Variants in AFG2A observed in about 807,000 individuals in gnomAD.
AFG2A encodes the protein ATPase family gene 2 protein homolog A.
the AFG2A span, among the ~76,000 whole-genome samples, chr4:122,944,424 G>A: frequency 6.6e-5 from 10 of 152,102 alleles, no homozygotes; most frequent in East Asian, 1.9e-4. Context: ...CCAGTTGATC[G>A]CATCGGCTCC....
At chr4:123,150,169 T>C in the AFG2A span, among the ~76,000 whole-genome samples, 1 of 152,126 alleles carries the variant, frequency 6.6e-6, no homozygotes, top group Admixed American at 6.5e-5. Context: ...GCCAGTATCA[T>C]ACTGAATAGG....
At chr4:123,027,121 GT>G in the AFG2A span, among the ~76,000 whole-genome samples, 3 of 150,202 alleles carry the variant, frequency 2.0e-5, no homozygotes, top group South Asian at 2.1e-4. Flanking sequence ...CTCAAGGTGT[GT>G]TTTTTTTTCT....
At chr4:122,951,464 G>A in the AFG2A span, among the ~76,000 whole-genome samples, 25 of 111,918 alleles carry the variant, frequency 2.2e-4, no homozygotes, top group East Asian at 4.3e-3. Context: ...ACACACGCAC[G>A]CACACACATG....
chr4:122,986,810 G>C, the AFG2A span, among the ~76,000 whole-genome samples: 1 of 152,148 alleles, frequency 6.6e-6, no homozygotes, highest in Admixed American at 6.6e-5. Flanking sequence ...ATTGGTTGTA[G>C]TGTTCTGTAT....
chr4:123,149,710 A>G, the AFG2A span, among the ~76,000 whole-genome samples: 8 of 151,994 alleles, frequency 5.3e-5, no homozygotes, highest in Non-Finnish European at 8.8e-5. Context: ...GTTCATTTCA[A>G]TGGTGTTGAA....
chr4:122,936,753 G>A, the AFG2A span, among the ~76,000 whole-genome samples: 1 of 152,188 alleles, frequency 6.6e-6, no homozygotes, highest in African/African-American at 2.4e-5. Flanking sequence ...ACCGAGGCAG[G>A]CAGATCACCT....
At chr4:122,947,381 T>C in the AFG2A span, 2 of 1,614,122 alleles carry the variant, frequency 1.2e-6, no homozygotes, top group Non-Finnish European at 1.7e-6. Context: ...CTCCAGAAAC[T>C]GCTTCGAAGG....
chr4:122,938,594 A>G, the AFG2A span, among the ~76,000 whole-genome samples: 1 of 152,054 alleles, frequency 6.6e-6, no homozygotes, highest in Non-Finnish European at 1.5e-5. Flanking sequence ...ATTTTTATTT[A>G]TTATTATTGT....
At chr4:123,231,835 G>A in the AFG2A span, among the ~76,000 whole-genome samples, 94,587 of 151,740 alleles carry the variant, frequency 0.62, 30,263 homozygotes, top group Admixed American at 0.68. Context: ...CAAGGAGAGG[G>A]AGAAAAGCAG....
the AFG2A span, among the ~76,000 whole-genome samples, chr4:123,304,391 C>T: frequency 3.2e-4 from 48 of 152,254 alleles, no homozygotes; most frequent in South Asian, 7.1e-3. Context: ...AACAGCAGGA[C>T]ATCACTCTCT....
the AFG2A span, among the ~76,000 whole-genome samples, chr4:123,273,208 G>T: frequency 6.6e-6 from 1 of 152,064 alleles, no homozygotes; most frequent in Non-Finnish European, 1.5e-5. Flanking sequence ...ATTACTGAAT[G>T]CATATATAAT....
chr4:123,073,223 TTTTC>T, the AFG2A span, among the ~76,000 whole-genome samples: 1 of 152,048 alleles, frequency 6.6e-6, no homozygotes, highest in African/African-American at 2.4e-5. Flanking sequence ...GCCTATCTCC[TTTTC>T]TTTCTTCTTT....
the AFG2A span, among the ~76,000 whole-genome samples, chr4:123,040,485 A>G: frequency 0.013 from 1,914 of 152,332 alleles, 52 homozygotes; most frequent in African/African-American, 0.044. Flanking sequence ...TTTATGTGGC[A>G]TATACAGCCC....
the AFG2A span, among the ~76,000 whole-genome samples, chr4:123,059,723 C>T: frequency 1.7e-4 from 26 of 150,840 alleles, no homozygotes; most frequent in East Asian, 7.8e-4. Context: ...CCTGAGGAAT[C>T]GCCACACTGA....
At chr4:123,056,959 T>TA in the AFG2A span, among the ~76,000 whole-genome samples, 1 of 152,248 alleles carries the variant, frequency 6.6e-6, no homozygotes, top group African/African-American at 2.4e-5. Flanking sequence ...TCTGATTGCT[T>TA]AACTGAATTG....
the AFG2A span, among the ~76,000 whole-genome samples, chr4:123,083,559 C>CT: frequency 0.027 from 3,647 of 132,838 alleles, 73 homozygotes; most frequent in Non-Finnish European, 0.042. Context: ...TATAATTATT[C>CT]TTTTTTTTTT....
the AFG2A span, among the ~76,000 whole-genome samples, chr4:123,096,969 T>C: frequency 6.6e-6 from 1 of 152,036 alleles, no homozygotes; most frequent in Admixed American, 6.6e-5. Context: ...TGGGTTTTGT[T>C]GTTTGTTTGT....
At chr4:122,946,068 C>G in the AFG2A span, among the ~76,000 whole-genome samples, 1 of 152,148 alleles carries the variant, frequency 6.6e-6, no homozygotes. Flanking sequence ...GTTGTGAGGA[C>G]AGACTGACCC....
the AFG2A span, among the ~76,000 whole-genome samples, chr4:122,993,919 G>C: frequency 6.6e-6 from 1 of 151,984 alleles, no homozygotes; most frequent in African/African-American, 2.4e-5. Flanking sequence ...GGATTTTACA[G>C]TACATGACAG....
Sources: gnomAD v4.1 joint callset for allele counts (sites outside exome capture counted in the v4.1 genomes callset) on GRCh38, gnomAD v4.1.1 for gene constraint, MANE v1.5 for transcripts, NCBI Gene and HGNC (gene_info 2026-07-23, HGNC 2026-07-21) for gene names.